The following ST6GAL1 variants were observed in gnomAD, a reference collection of about 807,000 sequenced individuals.
The protein encoded by ST6GAL1 is beta-galactoside alpha-2,6-sialyltransferase 1.
In ST6GAL1, 20 loss-of-function variants were observed where a neutral mutation model predicts 38.0. The observed-to-expected ratio is 0.53, with a 90% CI of 0.37 to 0.77. The LOEUF (loss-of-function observed/expected upper bound fraction) is 0.77, where lower values mean the gene tolerates loss of function less well. ST6GAL1 is among the 30% of genes least tolerant of loss of function. The pLI is 0.00. For synonymous variants in ST6GAL1, 196 were observed against 188.2 expected, an observed-to-expected ratio of 1.04 and a Z score of -0.34; for missense variants, 432 against 496.4, an observed-to-expected ratio of 0.87 and a Z score of 1.23.
chr3:187,051,955 A>G (rs1718530358), intron 5 of ST6GAL1, among the ~76,000 whole-genome samples: 1 of 152,194 alleles, frequency 6.6e-6, no homozygotes, highest in South Asian at 2.1e-4. Flanking sequence ...TATTACACAT[A>G]TATATGAAAA....
At chr3:186,959,518 A>G (rs565933426) in intron 1 of ST6GAL1, among the ~76,000 whole-genome samples, 10 of 151,880 alleles carry the variant, frequency 6.6e-5, no homozygotes, top group Non-Finnish European at 1.2e-4. Context: ...GTTGCTAACA[A>G]AAAAAAATTG....
rs537342400 is a variant in ST6GAL1, at chr3:186,989,499, A to G, written c.-183+25573A>G. Among the ~76,000 whole-genome samples the G allele has an allele frequency of 6.6e-5, 10 of 152,282 alleles. No homozygotes were observed. In the East Asian group the frequency reaches 1.9e-3, roughly 29 times the overall value. On this transcript the variant is annotated intron_variant, in intron 2 of 7. Coordinates refer to ENST00000169298, the MANE Select transcript of ST6GAL1 (RefSeq NM_173216.2). ...TGAGTGGGGGATTTTTATTCATCAGATAGAGGATTGGGCTGATGTCCACTA... is the reference window on the plus strand; with the variant it reads ...TGAGTGGGGGATTTTTATTCATCAGGTAGAGGATTGGGCTGATGTCCACTA...
Position 186,979,846 on chromosome 3 carries a change from T to C in ST6GAL1, c.-183+15920T>C, listed in dbSNP as rs563805368. On this transcript the variant is annotated intron_variant, in intron 2 of 7. Transcript: ENST00000169298. ...TGGTCTCGGGCACTTTAATTGCTAATTGTGTAGCACTGAGCAAAAATAATA... is the reference window on the plus strand; with the variant it reads ...TGGTCTCGGGCACTTTAATTGCTAACTGTGTAGCACTGAGCAAAAATAATA... 2.0e-5 allele frequency among the ~76,000 whole-genome samples: 3 copies of C among 152,304 alleles called. No homozygotes were observed. The East Asian group carries it at 5.8e-4, about 29-fold the overall frequency.
intron 5 of ST6GAL1, among the ~76,000 whole-genome samples, chr3:187,069,146 T>A (rs1433370681): frequency 6.6e-6 from 1 of 152,076 alleles, no homozygotes; most frequent in Non-Finnish European, 1.5e-5. Context: ...TTTTTTTTTT[T>A]TTTTCTCAAG....
chr3:186,960,227 C>G (rs562694435), intron 1 of ST6GAL1, among the ~76,000 whole-genome samples: 1 of 152,208 alleles, frequency 6.6e-6, no homozygotes, highest in African/African-American at 2.4e-5. Context: ...TTTAGCCACC[C>G]TCTTCCTTAG....
intron 2 of ST6GAL1, among the ~76,000 whole-genome samples, chr3:186,971,892 T>C (rs1193950972): frequency 6.6e-6 from 1 of 152,178 alleles, no homozygotes; most frequent in Non-Finnish European, 1.5e-5. Flanking sequence ...TTAGAGATCA[T>C]ACAGTGCCAA....
rs79338704 is a variant in ST6GAL1, at chr3:186,967,812, T to C, written c.-183+3886T>C. 9.1e-3 allele frequency among the ~76,000 whole-genome samples: 1,389 copies of C among 152,240 alleles called. 23 individuals carry two copies. Among genetic ancestry groups the C allele is most frequent in the African/African-American group, 0.031 (1,287 of 41,534 alleles). On this transcript the variant is annotated intron_variant, in intron 2 of 7. Transcript: ENST00000169298. ...ATGTTATTTGCAGCATGAGAGGAAT[T>C]GGAGTCTGTTCTGCTGACTGTCTGG...
chr3:186,957,972 C>T (rs556034293), intron 1 of ST6GAL1, among the ~76,000 whole-genome samples: 1 of 151,520 alleles, frequency 6.6e-6, no homozygotes, highest in East Asian at 1.9e-4. Context: ...TAAATGGGAT[C>T]TTCCTTTAAG....
intron 2 of ST6GAL1, among the ~76,000 whole-genome samples, chr3:186,967,861 C>T (rs573494390): frequency 4.6e-5 from 7 of 152,338 alleles, no homozygotes; most frequent in East Asian, 3.9e-4. Context: ...ACAAAACCAC[C>T]GTGGCAGTAG....
At chr3:186,939,648 C>G (rs1279470386) in intron 1 of ST6GAL1, among the ~76,000 whole-genome samples, 2 of 152,326 alleles carry the variant, frequency 1.3e-5, no homozygotes, top group Non-Finnish European at 2.9e-5. Flanking sequence ...GCCCAGCCTT[C>G]CCTTCCTGAG....
intron 1 of ST6GAL1, among the ~76,000 whole-genome samples, chr3:186,934,764 T>TTATG (rs1205144324): frequency 4.0e-5 from 6 of 151,600 alleles, no homozygotes; most frequent in South Asian, 2.1e-4. Context: ...ATTTATGTAT[T>TTATG]TATTTATTTA....
intron 2 of ST6GAL1, among the ~76,000 whole-genome samples, chr3:187,034,387 C>T (rs540726026): frequency 1.8e-4 from 28 of 152,052 alleles, no homozygotes; most frequent in Non-Finnish European, 3.4e-4. Flanking sequence ...CAGACAGATC[C>T]CTCTCTAACT....
intron 2 of ST6GAL1, among the ~76,000 whole-genome samples, chr3:187,038,122 C>T (rs7617652): frequency 0.038 from 5,706 of 151,956 alleles, 293 homozygotes; most frequent in African/African-American, 0.11. Context: ...AATTAAACAA[C>T]CTGTTCTTCC....
Position 187,075,921 on chromosome 3 carries a change from C to T in ST6GAL1, c.*118C>T. The T allele has an allele frequency of 1.4e-6, 2 of 1,460,048 alleles. No homozygotes were observed. Among genetic ancestry groups the T allele is most frequent in the South Asian group, 2.8e-5 (2 of 72,388 alleles). 90.4% of individuals were successfully genotyped at this position (1,460,048 alleles called of 1,614,324 possible). A position where few individuals can be genotyped will look rare whatever the true frequency, so the allele number is the denominator to read the frequency against. On this transcript the variant is annotated 3_prime_UTR_variant, in exon 8 of 8. Coordinates refer to ENST00000169298, the MANE Select transcript of ST6GAL1 (RefSeq NM_173216.2). This position sits in a 1 kb window ranked among gnomAD's most constrained non-coding sequence, Gnocchi z 4.1. ...CCTGCTCCTTTTACTCTAGGGGCCTCTGTCAGCAAGACCATGGGGACTTCA... is the reference window on the plus strand; with the variant it reads ...CCTGCTCCTTTTACTCTAGGGGCCTTTGTCAGCAAGACCATGGGGACTTCA...
intron 1 of ST6GAL1, among the ~76,000 whole-genome samples, chr3:186,933,437 G>A (rs912726649): frequency 5.3e-5 from 8 of 152,138 alleles, no homozygotes; most frequent in African/African-American, 1.9e-4. Context: ...TGTGGTGCAC[G>A]AGCTCGGAAC....
intron 2 of ST6GAL1, among the ~76,000 whole-genome samples, chr3:186,969,934 T>G (rs1416881208): frequency 6.6e-6 from 1 of 152,236 alleles, no homozygotes; most frequent in Admixed American, 6.5e-5. Context: ...TGAACTGGAA[T>G]CCCAGTTTTC....
chr3:186,947,856 C>T (rs1482213628), intron 1 of ST6GAL1, among the ~76,000 whole-genome samples: 1 of 152,200 alleles, frequency 6.6e-6, no homozygotes, highest in Non-Finnish European at 1.5e-5. Flanking sequence ...TGCGGACACA[C>T]CCCTTGCTCT....
At chr3:187,060,056 TG>T (rs1718856296) in intron 5 of ST6GAL1, among the ~76,000 whole-genome samples, 1 of 151,754 alleles carries the variant, frequency 6.6e-6, no homozygotes. Context: ...TGGAAGGAAA[TG>T]GGGGACTGGA....
intron 4 of ST6GAL1, among the ~76,000 whole-genome samples, chr3:187,047,752 T>C (rs1718349707): frequency 6.6e-6 from 1 of 151,916 alleles, no homozygotes; most frequent in South Asian, 2.1e-4. Context: ...AAACAGGATT[T>C]TTTTCTCTTT....
Sources: allele counts gnomAD v4.1 joint callset (sites outside exome capture counted in the v4.1 genomes callset), GRCh38; gene constraint gnomAD v4.1.1; non-coding constraint Gnocchi (gnomAD v3.1); transcripts MANE v1.5; gene names NCBI Gene and HGNC (gene_info 2026-07-23, HGNC 2026-07-21).